MFAP3: variants seen among roughly 807,000 people sequenced by gnomAD.
MFAP3 encodes microfibril associated protein 3.
MFAP3 carries 8 observed loss-of-function variants against 20.5 expected under a neutral mutation model. The observed-to-expected ratio is 0.39, with a 90% confidence interval of 0.23 to 0.70. MFAP3 has a LOEUF of 0.70. Ranked by LOEUF, MFAP3 falls within the 30% of genes least tolerant of loss-of-function variation. The probability of loss-of-function intolerance (pLI) is 0.44; values close to 1 mark genes in which losing one functional copy is unlikely to be tolerated. For synonymous variants in MFAP3, 140 were observed against 154.0 expected (o/e 0.91, Z 0.67); for missense variants, 398 against 444.6 (o/e 0.90, Z 0.94).
At position 154,053,306 on chromosome 5, in the gene MFAP3, T is replaced by C. The variant is rs780434519; in HGVS notation, c.682T>C (p.Phe228Leu). 2.6e-5 allele frequency: 42 copies of C among 1,613,772 alleles called. No individual in the cohort carries two copies. In the East Asian group the frequency reaches 8.0e-4, roughly 31 times the overall value. The change falls in exon 3 of 3, where the codon TTT (phenylalanine) becomes CTT (leucine). Residue 228 changes from phenylalanine (F) to leucine (L), a missense_variant. Coordinates refer to ENST00000522782, the MANE Select transcript of MFAP3 (RefSeq NM_005927.5). ...AKVTQFKTME[F>L]ARYIEELARS... ...AGTCACACAATTTAAGACCATGGAG[T>C]TTGCTCGTTATATTGAAGAACTGGC...
chr5:154,040,445 A>G (rs1438401390), intron 1 of MFAP3, among the ~76,000 whole-genome samples: 1 of 152,222 alleles, frequency 6.6e-6, no homozygotes, highest in Non-Finnish European at 1.5e-5. Flanking sequence ...TTACAATATC[A>G]ATCATCATGT....
chr5:154,045,318 G>A (rs1325833474), intron 1 of MFAP3, among the ~76,000 whole-genome samples: 3 of 152,112 alleles, frequency 2.0e-5, no homozygotes, highest in African/African-American at 7.2e-5. Context: ...ACCACAAACT[G>A]AGGACACATA....
In MFAP3 at chr5:154,052,321, A is replaced by C. The variant is rs114768266; in HGVS notation, c.296-599A>C. On this transcript the variant is annotated intron_variant, in intron 2 of 2. Coordinates refer to ENST00000522782, the MANE Select transcript of MFAP3 (RefSeq NM_005927.5). ...AAAAGTTTCTTAACAACAACAACAA[A>C]AAATTGATATGTGCAAGGCATACCA... 8.7e-3 allele frequency among the ~76,000 whole-genome samples: 1,328 copies of C among 151,984 alleles called. 30 individuals are homozygous for C. The highest frequency in any genetic ancestry group is 0.03 in the African/African-American group (1,225 of 41,436).
Position 154,053,652 on chromosome 5 carries a change from T to C in MFAP3, c.1028T>C (p.Ile343Thr), listed in dbSNP as rs752045468. 5.6e-6 allele frequency: 9 copies of C among 1,613,788 alleles called. No individual in the cohort carries two copies. The highest frequency in any genetic ancestry group is 1.3e-5 in the African/African-American group (1 of 74,896). ...GSSHFSPPDDIGSAESNCNYK... is the reference protein window; with the variant it reads ...GSSHFSPPDDTGSAESNCNYK... Reference sequence around the variant, plus strand: ...AGTCATTTCAGTCCACCTGATGATATAGGATCTGCAGAATCTAACTGTAAC... The same window carrying C: ...AGTCATTTCAGTCCACCTGATGATACAGGATCTGCAGAATCTAACTGTAAC... The change falls in exon 3 of 3, where the codon ATA becomes ACA. Residue 343 changes from isoleucine (I) to threonine (T), a missense_variant. Transcript: ENST00000522782.
Position 154,053,786 on chromosome 5 carries a change from T to A in MFAP3, c.*73T>A, listed in dbSNP as rs1773264567. On this transcript the variant is annotated 3_prime_UTR_variant, in exon 3 of 3. Coordinates refer to ENST00000522782, the MANE Select transcript of MFAP3 (RefSeq NM_005927.5). ...AAAGGAACCTGTTTCTTAGAAGAAG[T>A]AACATTTTTGCCAAAAGATGACTGG... 1.4e-6 allele frequency: 2 copies of A among 1,417,332 alleles called. No individual in the cohort carries two copies. Among genetic ancestry groups the A allele is most frequent in the Non-Finnish European group, 1.9e-6 (2 of 1,044,500 alleles). The allele number at this position is 1,417,332 out of a possible 1,614,324, so 87.8% of individuals were successfully genotyped here.
In MFAP3 at chr5:154,055,968, A is replaced by G. The variant is rs1773320861; in HGVS notation, c.*2255A>G. Among the ~76,000 whole-genome samples the G allele has an allele frequency of 6.6e-6, 1 of 152,164 alleles. No individual in the cohort carries two copies. The highest frequency in any genetic ancestry group is 6.5e-5 in the Admixed American group (1 of 15,278). On this transcript the variant is annotated 3_prime_UTR_variant, in exon 3 of 3. Coordinates refer to ENST00000522782, the MANE Select transcript of MFAP3 (RefSeq NM_005927.5). Reference sequence around the variant, plus strand: ...CCTCTAAACATCCCTCAGATTTCAGATAGTACTTTCAACCCTGTCCTAACA... The same window carrying G: ...CCTCTAAACATCCCTCAGATTTCAGGTAGTACTTTCAACCCTGTCCTAACA...
chr5:154,041,788 C>A (rs998885275), intron 1 of MFAP3, among the ~76,000 whole-genome samples: 2 of 152,000 alleles, frequency 1.3e-5, no homozygotes, highest in Non-Finnish European at 2.9e-5. Flanking sequence ...GTGTGGTATA[C>A]CCAGGTGAGA....
rs912873305 is a variant in MFAP3, at chr5:154,054,503, T to C, written c.*790T>C. ...GTTGGCAGGGATTGCCTAACTGATC[T>C]TCCAAAGTGAGCAGTTTATTTCTAA... is the stretch of plus-strand genomic sequence containing the variant. On this transcript the variant is annotated 3_prime_UTR_variant, in exon 3 of 3. Coordinates refer to ENST00000522782, the MANE Select transcript of MFAP3 (RefSeq NM_005927.5). The C allele has an allele frequency of 6.0e-6, 1 of 167,004 alleles. No homozygotes were observed. Among genetic ancestry groups the C allele is most frequent in the Non-Finnish European group, 1.5e-5 (1 of 68,126 alleles). The allele number at this position is 167,004 out of a possible 1,614,324, so 10.3% of individuals were successfully genotyped here. A position where few individuals can be genotyped will look rare whatever the true frequency, so the allele number is the denominator to read the frequency against.
At position 154,055,173 on chromosome 5, in the gene MFAP3, A is replaced by G. The variant is rs1211377332; in HGVS notation, c.*1460A>G. ...CATTTGGGGCTTCACGTTTCTTCAT[A>G]TGACTTCTGATTATTGAAGCATTAC... is the stretch of plus-strand genomic sequence containing the variant. On this transcript the variant is annotated 3_prime_UTR_variant, in exon 3 of 3. Transcript: ENST00000522782. The G allele has an allele frequency of 6.0e-6, 1 of 167,048 alleles. No individual in the cohort carries two copies. Among genetic ancestry groups the G allele is most frequent in the Non-Finnish European group, 1.5e-5 (1 of 68,100 alleles). The allele number at this position is 167,048 out of a possible 1,614,324, so 10.3% of individuals were successfully genotyped here. A position where few individuals can be genotyped will look rare whatever the true frequency, so the allele number is the denominator to read the frequency against.
At chr5:154,050,114 C>G (rs1773154001) in intron 2 of MFAP3, 97 bp downstream of exon 2, 3 of 1,348,100 alleles carry the variant, frequency 2.2e-6, no homozygotes, top group Non-Finnish European at 3.0e-6. Context: ...AGATAAGGTG[C>G]CAAGGTGAAT....
At position 154,056,438 on chromosome 5, in the gene MFAP3, C is replaced by G. The variant is rs1231298359; in HGVS notation, c.*2725C>G. On this transcript the variant is annotated 3_prime_UTR_variant, in exon 3 of 3. Transcript: ENST00000522782. ...ATACTCTTCATATATAATTAAGCCT[C>G]ATGTTATCTTTTTTTTAAATCAACC... is the stretch of plus-strand genomic sequence containing the variant. 1.3e-5 allele frequency among the ~76,000 whole-genome samples: 2 copies of G among 152,288 alleles called. No homozygotes were observed. The highest frequency in any genetic ancestry group is 4.8e-5 in the African/African-American group (2 of 41,556).
chr5:154,053,249 A>G lies in MFAP3; in HGVS notation c.625A>G (p.Ile209Val), dbSNP rs542414446. ...AFEIAKRIPIITSAKTLELAK... is the reference protein window; with the variant it reads ...AFEIAKRIPIVTSAKTLELAK... ...TGAGATTGCAAAACGTATCCCCATCATTACCTCAGCCAAAACTCTGGAGCT... is the reference window on the plus strand; with the variant it reads ...TGAGATTGCAAAACGTATCCCCATCGTTACCTCAGCCAAAACTCTGGAGCT... Residue 209 changes from isoleucine to valine, a missense_variant, in exon 3 of 3, where the codon ATT becomes GTT. Ile to Val is a conservative substitution (Grantham distance 29). Coordinates refer to ENST00000522782, the MANE Select transcript of MFAP3 (RefSeq NM_005927.5). The G allele has an allele frequency of 2.3e-5, 37 of 1,613,886 alleles. No homozygotes were observed. The highest frequency in any genetic ancestry group is 3.0e-5 in the Non-Finnish European group (35 of 1,179,950).
Position 154,053,581 on chromosome 5 carries a change from C to T in MFAP3, c.957C>T (p.His319=), listed in dbSNP as rs777757019. The change falls in exon 3 of 3, where the codon CAC becomes CAT. Residue 319 remains histidine, a synonymous_variant. Transcript: ENST00000522782. ...GQEIAVQVSV[H]LQSETKSIDT... is the part of the protein sequence containing the mutation. Reference sequence around the variant, plus strand: ...AAATAGCAGTTCAGGTTTCTGTCCACCTTCAGTCAGAAACCAAAAGTATTG... The same window carrying T: ...AAATAGCAGTTCAGGTTTCTGTCCATCTTCAGTCAGAAACCAAAAGTATTG... 6.2e-7 allele frequency: 1 copy of T among 1,613,934 alleles called. No homozygotes were observed.
intron 2 of MFAP3, among the ~76,000 whole-genome samples, chr5:154,051,403 C>T (rs1005504042): frequency 6.6e-6 from 1 of 152,216 alleles, no homozygotes; most frequent in Non-Finnish European, 1.5e-5. Context: ...TAACATCTAT[C>T]ATTGATGCTT....
Position 154,053,555 on chromosome 5 carries a change from G to A in MFAP3, c.931G>A (p.Glu311Lys), listed in dbSNP as rs140816459. The A allele has an allele frequency of 1.1e-4, 178 of 1,613,898 alleles. 3 individuals carry two copies. In the East Asian group the frequency reaches 3.5e-3, roughly 32 times the overall value. ...DDGSLNEQGQ[E>K]IAVQVSVHLQ... is the part of the protein sequence containing the mutation. ...TGGCTCTCTGAATGAACAAGGCCAG[G>A]AAATAGCAGTTCAGGTTTCTGTCCA... The change falls in exon 3 of 3, where the codon GAA (glutamate) becomes AAA (lysine). Residue 311 changes from glutamate (E) to lysine (K), a missense_variant. Glu to Lys is a moderately conservative substitution (Grantham distance 56). Coordinates refer to ENST00000522782, the MANE Select transcript of MFAP3 (RefSeq NM_005927.5).
chr5:154,043,107 A>G (rs1489830726), intron 1 of MFAP3, among the ~76,000 whole-genome samples: 1 of 152,172 alleles, frequency 6.6e-6, no homozygotes, highest in Non-Finnish European at 1.5e-5. Flanking sequence ...AATATTCAAC[A>G]TGGTTTTCTG....
In MFAP3 at chr5:154,056,827, G is replaced by A. The variant is rs930196379; in HGVS notation, c.*3114G>A. Reference sequence around the variant, plus strand: ...TATATGTTACGATGGTTTAATTCTTGAGTCAGGGCCAGCACGCATTTATAT... The same window carrying A: ...TATATGTTACGATGGTTTAATTCTTAAGTCAGGGCCAGCACGCATTTATAT... On this transcript the variant is annotated 3_prime_UTR_variant, in exon 3 of 3. Coordinates refer to ENST00000522782, the MANE Select transcript of MFAP3 (RefSeq NM_005927.5). Among the ~76,000 whole-genome samples the A allele has an allele frequency of 6.6e-5, 10 of 152,150 alleles. No individual in the cohort carries two copies. The highest frequency in any genetic ancestry group is 1.3e-4 in the Non-Finnish European group (9 of 68,038).
intron 1 of MFAP3, among the ~76,000 whole-genome samples, chr5:154,040,570 C>T (rs1330288736): frequency 6.6e-6 from 1 of 152,080 alleles, no homozygotes; most frequent in African/African-American, 2.4e-5. Context: ...GTTCCTGCAC[C>T]ACACTTTTGA....
rs1043557047 is a variant in MFAP3, at chr5:154,055,450, G to A, written c.*1737G>A. On this transcript the variant is annotated 3_prime_UTR_variant, in exon 3 of 3. Coordinates refer to ENST00000522782, the MANE Select transcript of MFAP3 (RefSeq NM_005927.5). ...TTCTGTCTCTCAGGCTGTTTCCATG[G>A]AAACCTCTAGAGCCAAATAAAAGCT... is the stretch of plus-strand genomic sequence containing the variant. 1.3e-5 allele frequency among the ~76,000 whole-genome samples: 2 copies of A among 152,116 alleles called. No individual in the cohort carries two copies. Among genetic ancestry groups the A allele is most frequent in the Admixed American group, 6.5e-5 (1 of 15,276 alleles).
Sources: gnomAD v4.1 joint callset for allele counts (sites outside exome capture counted in the v4.1 genomes callset) on GRCh38, gnomAD v4.1.1 for gene constraint, MANE v1.5 for transcripts, NCBI Gene and HGNC (gene_info 2026-07-23, HGNC 2026-07-21) for gene names.